FRMD4A: variants seen among roughly 807,000 people sequenced by gnomAD.
FRMD4A encodes FERM domain containing 4A.
In FRMD4A, 29 loss-of-function variants were observed where a neutral mutation model predicts 129.1. That is an observed-to-expected ratio of 0.22 (90% CI 0.17 to 0.31). The LOEUF (loss-of-function observed/expected upper bound fraction) is 0.31. Ranked by LOEUF, FRMD4A falls within the 10% of genes least tolerant of loss-of-function variation. The pLI is 1.00. For missense variants in FRMD4A, 1,272 were observed against 1,375.8 expected (o/e 0.92, Z 1.19); for synonymous variants, 634 against 571.6 (o/e 1.11, Z -1.56).
At chr10:13,984,084 G>C (rs1233997166) in intron 2 of FRMD4A, among the ~76,000 whole-genome samples, 1 of 152,126 alleles carries the variant, frequency 6.6e-6, no homozygotes, top group Non-Finnish European at 1.5e-5. Context: ...TGAGGGGCAA[G>C]TCTGAGGGCC....
intron 12 of FRMD4A, among the ~76,000 whole-genome samples, chr10:13,724,167 T>A (rs1039209990): frequency 1.3e-5 from 2 of 152,124 alleles, no homozygotes; most frequent in African/African-American, 4.8e-5. Flanking sequence ...GGCAGGCGGA[T>A]CACGAGGTCA....
At chr10:13,830,242 TC>T (rs951011248) in intron 3 of FRMD4A, among the ~76,000 whole-genome samples, 1 of 152,136 alleles carries the variant, frequency 6.6e-6, no homozygotes, top group African/African-American at 2.4e-5. Flanking sequence ...CGGCCCTCCT[TC>T]CCTCCATTTG....
At chr10:14,104,185 C>T (rs932984152) in intron 2 of FRMD4A, among the ~76,000 whole-genome samples, 12 of 152,160 alleles carry the variant, frequency 7.9e-5, no homozygotes, top group Non-Finnish European at 1.8e-4. Context: ...GGTTACACTG[C>T]CATCGACATT....
chr10:14,321,206 T>A (rs1427588539), intron 2 of FRMD4A, among the ~76,000 whole-genome samples: 1 of 151,924 alleles, frequency 6.6e-6, no homozygotes, highest in Non-Finnish European at 1.5e-5. Flanking sequence ...GATGAATGAA[T>A]GAAACAAATG....
chr10:14,051,076 T>C (rs1275404918), intron 2 of FRMD4A, among the ~76,000 whole-genome samples: 1 of 152,156 alleles, frequency 6.6e-6, no homozygotes, highest in African/African-American at 2.4e-5. Flanking sequence ...ATAGAAGGTG[T>C]CAGGATTGCA....
At chr10:14,131,651 T>C (rs1201251639) in intron 2 of FRMD4A, among the ~76,000 whole-genome samples, 6 of 152,192 alleles carry the variant, frequency 3.9e-5, no homozygotes, top group African/African-American at 1.2e-4. Flanking sequence ...TTAAGAGATA[T>C]TTGGGCATAG....
At chr10:13,960,585 G>C (rs1250743861) in intron 2 of FRMD4A, among the ~76,000 whole-genome samples, 1 of 152,210 alleles carries the variant, frequency 6.6e-6, no homozygotes. Context: ...ACTCCGAAGG[G>C]GAAGCGATTT....
chr10:13,744,692 G>A (rs2091202452), intron 9 of FRMD4A: 2 of 152,204 alleles, frequency 1.3e-5, no homozygotes, highest in African/African-American at 4.8e-5. Flanking sequence ...CCGAAGAATG[G>A]TGAGTACAGC....
At chr10:13,965,201 A>G (rs2095478049) in intron 2 of FRMD4A, among the ~76,000 whole-genome samples, 1 of 152,064 alleles carries the variant, frequency 6.6e-6, no homozygotes, top group Admixed American at 6.6e-5. Flanking sequence ...CAGCCTAGAA[A>G]TGGCTTCCAG....
intron 1 of FRMD4A, 25 bp from the exon 2 acceptor site, chr10:14,330,208 A>C (rs996464686): frequency 5.2e-6 from 6 of 1,148,154 alleles, no homozygotes; most frequent in Admixed American, 4.0e-5. Flanking sequence ...GCCAAAATCC[A>C]GACTTAGGGA....
At chr10:13,709,874 C>CTA (rs1455870280) in intron 12 of FRMD4A, among the ~76,000 whole-genome samples, 5 of 151,350 alleles carry the variant, frequency 3.3e-5, no homozygotes, top group Non-Finnish European at 7.4e-5. Context: ...TGTCTTGTTG[C>CTA]TATACGCTTT....
chr10:14,216,036 C>T (rs933217637), intron 2 of FRMD4A, among the ~76,000 whole-genome samples: 2 of 152,074 alleles, frequency 1.3e-5, no homozygotes, highest in Non-Finnish European at 2.9e-5. Context: ...GAAAGAAGTT[C>T]CACTACACGT....
intron 3 of FRMD4A, among the ~76,000 whole-genome samples, chr10:13,853,835 A>AG: frequency 6.6e-6 from 1 of 151,080 alleles, no homozygotes; most frequent in Non-Finnish European, 1.5e-5. Context: ...CTCTCAAAAA[A>AG]AAAAAAAAAA....
chr10:13,656,685 C>T lies in FRMD4A; in HGVS notation c.2904G>A (p.Val968=). The change falls in exon 22 of 25, where the codon GTG becomes GTA. Residue 968 remains valine (V), a synonymous_variant. Transcript: ENST00000357447. ...GCATCCTGGTGACCCTGCTGTGCGC[C>T]ACGAAGGTGCTCTGGGAGGAGGTGC... ...QYSTSSQSTF[V]AHSRVTRMPQ... is the part of the protein sequence containing the mutation. 1 of 1,546,828 alleles carries T rather than the reference C, an allele frequency of 6.5e-7. No homozygotes were observed. Among genetic ancestry groups the T allele is most frequent in the Non-Finnish European group, 8.7e-7 (1 of 1,145,656 alleles).
At chr10:14,312,157 G>A (rs1398820023) in intron 2 of FRMD4A, among the ~76,000 whole-genome samples, 2 of 152,150 alleles carry the variant, frequency 1.3e-5, no homozygotes, top group Non-Finnish European at 2.9e-5. Flanking sequence ...ATGAAATTTG[G>A]GTATGATTCT....
chr10:13,942,806 G>A lies in FRMD4A; in HGVS notation c.46-83894C>T, dbSNP rs145379035. ...AAATTAGCTGGGCGTGGTGGCGCGCGTCTGTAGTCCCAGCTACTCAGGAGG... is the reference window on the plus strand; with the variant it reads ...AAATTAGCTGGGCGTGGTGGCGCGCATCTGTAGTCCCAGCTACTCAGGAGG... On this transcript the variant is annotated intron_variant, in intron 2 of 24. Coordinates refer to ENST00000357447, the MANE Select transcript of FRMD4A (RefSeq NM_018027.5). Among the ~76,000 whole-genome samples, 520 of 152,080 alleles carry A rather than the reference G, an allele frequency of 3.4e-3. 6 individuals carry two copies. Among genetic ancestry groups the A allele is most frequent in the African/African-American group, 0.012 (479 of 41,480 alleles).
intron 2 of FRMD4A, among the ~76,000 whole-genome samples, chr10:14,158,062 C>T (rs1414746123): frequency 6.6e-6 from 1 of 151,808 alleles, no homozygotes; most frequent in Non-Finnish European, 1.5e-5. Context: ...GAAGAAGGAG[C>T]GATAGCTCAG....
intron 13 of FRMD4A, among the ~76,000 whole-genome samples, chr10:13,702,895 G>A (rs2086987988): frequency 1.6e-5 from 2 of 126,702 alleles, no homozygotes; most frequent in Non-Finnish European, 3.2e-5. Flanking sequence ...TCTCCCTTCG[G>A]TTCCAACAAA....
intron 2 of FRMD4A, among the ~76,000 whole-genome samples, chr10:13,922,684 C>G (rs1279779066): frequency 6.6e-6 from 1 of 152,090 alleles, no homozygotes; most frequent in African/African-American, 2.4e-5. Context: ...CTAGAAAATG[C>G]CAAAACAGGA....
Sources: gnomAD v4.1 joint callset for allele counts (sites outside exome capture counted in the v4.1 genomes callset) on GRCh38, gnomAD v4.1.1 for gene constraint, MANE v1.5 for transcripts, NCBI Gene and HGNC (gene_info 2026-07-23, HGNC 2026-07-21) for gene names.